The following LNX1 variants were observed in gnomAD, a reference collection of about 807,000 sequenced individuals.
The protein encoded by LNX1 is E3 ubiquitin-protein ligase LNX.
Under a neutral mutation model 68.4 loss-of-function variants are expected in LNX1, and 54 were observed. That is an observed-to-expected ratio of 0.79 (90% CI 0.63 to 0.99). The LOEUF is 0.99. Ranked by LOEUF, LNX1 falls within the 50% of genes least tolerant of loss-of-function variation. The pLI, the probability that LNX1 is intolerant of heterozygous loss-of-function variation, is 0.00. For synonymous variants in LNX1, 336 were observed against 350.0 expected (o/e 0.96, Z 0.45); for missense variants, 906 against 926.4 (o/e 0.98, Z 0.29).
At chr4:53,520,534 A>C (rs1474167194) in intron 2 of LNX1, among the ~76,000 whole-genome samples, 1 of 152,118 alleles carries the variant, frequency 6.6e-6, no homozygotes, top group Non-Finnish European at 1.5e-5. Flanking sequence ...GGAGCAGGCA[A>C]TTTCCATGCG....
intron 9 of LNX1, among the ~76,000 whole-genome samples, chr4:53,463,418 AGCGAGAACTCC>A (rs1722350498): frequency 6.6e-6 from 1 of 152,078 alleles, no homozygotes; most frequent in Admixed American, 6.6e-5. Flanking sequence ...TTATTGCCGC[AGCGAGAACTCC>A]GTATGTTAAT....
chr4:53,526,087 G>T (rs1319489175), intron 2 of LNX1, among the ~76,000 whole-genome samples: 1 of 142,050 alleles, frequency 7.0e-6, no homozygotes, highest in African/African-American at 2.6e-5. Context: ...ATTACAGTAT[G>T]TTTTGGGCAC....
chr4:53,515,691 G>T (rs1191912260), intron 2 of LNX1, among the ~76,000 whole-genome samples: 1 of 152,132 alleles, frequency 6.6e-6, no homozygotes, highest in East Asian at 1.9e-4. Flanking sequence ...CTGCTACAGT[G>T]GGTTTTTAAT....
In LNX1 at chr4:53,498,659, T is replaced by A; in HGVS notation, c.960A>T (p.Pro320=). ...TCTCTACCTTTAGAATGATGTCTCC[T>A]GGCAGTAGCCGGCCGTCTCTGGCGA... ...GVIARDGRLL[P]GDIILKVNGM... Residue 320 remains proline (P), a synonymous_variant, in exon 5 of 11, where the codon CCA becomes CCT. Coordinates refer to ENST00000263925, the MANE Select transcript of LNX1 (RefSeq NM_001126328.3). 2 of 1,614,010 alleles carry A rather than the reference T, an allele frequency of 1.2e-6. No homozygotes were observed. The highest frequency in any genetic ancestry group is 1.7e-6 in the Non-Finnish European group (2 of 1,179,864).
chr4:53,539,221 C>T (rs923647764), intron 2 of LNX1: 1 of 152,252 alleles, frequency 6.6e-6, no homozygotes, highest in Non-Finnish European at 1.5e-5. Flanking sequence ...CATAAGGGCC[C>T]CCTGCCAAGT....
intron 2 of LNX1, 122 bp from the exon 3 acceptor site, chr4:53,508,349 G>T: frequency 8.2e-7 from 1 of 1,215,364 alleles, no homozygotes; most frequent in Non-Finnish European, 1.1e-6. Flanking sequence ...AATTTGATTT[G>T]CCTGCCGCTA....
At chr4:53,465,021 GATAATTGTT>G (rs1037855873) in intron 9 of LNX1, among the ~76,000 whole-genome samples, 2 of 152,074 alleles carry the variant, frequency 1.3e-5, no homozygotes, top group African/African-American at 4.8e-5. Context: ...TCACCTACTT[GATAATTGTT>G]ATCAAGTTAC....
intron 4 of LNX1, chr4:53,500,400 G>C (rs1455427287): frequency 6.6e-6 from 1 of 152,172 alleles, no homozygotes; most frequent in Non-Finnish European, 1.5e-5. Context: ...GGGCTGAGAT[G>C]CTTCTGTCTT....
At chr4:53,496,470 A>G in intron 5 of LNX1, 76 bp from the exon 6 acceptor site, 1 of 1,495,694 alleles carries the variant, frequency 6.7e-7, no homozygotes, top group African/African-American at 1.4e-5. Context: ...GCCCACAGAA[A>G]AGCCAGGATC....
chr4:53,610,407 T>C (rs1158225942), intron 2 of LNX1, among the ~76,000 whole-genome samples: 2 of 152,068 alleles, frequency 1.3e-5, no homozygotes, highest in East Asian at 1.9e-4. Context: ...GAAAACTATA[T>C]ATGAAAAATT....
intron 2 of LNX1, among the ~76,000 whole-genome samples, chr4:53,606,532 AT>A (rs1733243864): frequency 6.6e-6 from 1 of 152,124 alleles, no homozygotes; most frequent in Non-Finnish European, 1.5e-5. Flanking sequence ...ATTCTACTGG[AT>A]GTATAAAGAA....
At chr4:53,607,370 G>A (rs182334146) in intron 2 of LNX1, among the ~76,000 whole-genome samples, 7 of 152,034 alleles carry the variant, frequency 4.6e-5, no homozygotes, top group East Asian at 1.9e-4. Flanking sequence ...CGATGGTCAC[G>A]AAAAGATAAA....
At chr4:53,557,349 G>A (rs1729984310) in intron 2 of LNX1, among the ~76,000 whole-genome samples, 1 of 152,126 alleles carries the variant, frequency 6.6e-6, no homozygotes, top group Non-Finnish European at 1.5e-5. Flanking sequence ...CTCAAGGCAT[G>A]TTTCTTCGTA....
rs1722105213 is a variant in LNX1, at chr4:53,461,558, C to T, written c.1928G>A (p.Arg643Lys). The part of the protein sequence containing the change: ...LYNCKDIVLR[R>K]NTAGSLGFCI... Reference sequence around the variant, plus strand: ...GAAGCCCAGACTTCCAGCTGTGTTTCTTCGTAATACAATATCTTTACAGTT... The same window carrying T: ...GAAGCCCAGACTTCCAGCTGTGTTTTTTCGTAATACAATATCTTTACAGTT... The change falls in exon 10 of 11, where the codon AGA (arginine) becomes AAA (lysine). Residue 643 changes from arginine to lysine, a missense_variant. Coordinates refer to ENST00000263925, the MANE Select transcript of LNX1 (RefSeq NM_001126328.3). 3.1e-6 allele frequency: 5 copies of T among 1,612,022 alleles called. No homozygotes were observed. Among genetic ancestry groups the T allele is most frequent in the Admixed American group, 3.3e-5 (2 of 59,830 alleles).
intron 8 of LNX1, among the ~76,000 whole-genome samples, chr4:53,477,464 T>C (rs1723639681): frequency 6.6e-6 from 1 of 152,102 alleles, no homozygotes; most frequent in South Asian, 2.1e-4. Flanking sequence ...AGCTGCACTC[T>C]TAAAGAAGCA....
intron 2 of LNX1, among the ~76,000 whole-genome samples, chr4:53,605,627 T>C (rs1733197991): frequency 6.6e-6 from 1 of 152,192 alleles, no homozygotes; most frequent in African/African-American, 2.4e-5. Context: ...TATACTCTGT[T>C]TCTCTGTATT....
chr4:53,629,585 G>A (rs2572292), intron 1 of LNX1, among the ~76,000 whole-genome samples: 28,391 of 152,196 alleles, frequency 0.19, 2,979 homozygotes, highest in Admixed American at 0.28. Context: ...AAAGCTGCTC[G>A]AAACCAGTGG....
At chr4:53,589,686 G>C (rs1039272631) in intron 1 of LNX1, among the ~76,000 whole-genome samples, 6 of 152,232 alleles carry the variant, frequency 3.9e-5, no homozygotes, top group Non-Finnish European at 8.8e-5. Flanking sequence ...AAATGAAGGA[G>C]ATTGCACATT....
chr4:53,593,208 C>G (rs2109824726), upstream of LNX1: 2 of 152,074 alleles, frequency 1.3e-5, no homozygotes, highest in Middle Eastern at 3.4e-3. Flanking sequence ...AAAGGCCCCC[C>G]TCTTCACGCG....
Sources: gnomAD v4.1 joint callset for allele counts (sites outside exome capture counted in the v4.1 genomes callset) on GRCh38, gnomAD v4.1.1 for gene constraint, MANE v1.5 for transcripts, NCBI Gene and HGNC (gene_info 2026-07-23, HGNC 2026-07-21) for gene names.